Variants in DAOA observed in about 807,000 individuals in gnomAD.
DAOA encodes the protein D-amino acid oxidase activator, also known as D-amino acid oxidase regulator.
A neutral mutation model predicts 16.4 loss-of-function variants in DAOA; 15 were observed. The observed-to-expected ratio is 0.91, with a 90% confidence interval of 0.61 to 1.41. DAOA has a LOEUF of 1.41. Ranked by LOEUF, DAOA falls within the 40% of genes most tolerant of loss-of-function variation. DAOA has a pLI of 0.00. For synonymous variants in DAOA, 75 were observed against 59.1 expected, an observed-to-expected ratio of 1.27 and a Z score of -1.23; for missense variants, 230 against 176.8, an observed-to-expected ratio of 1.30 and a Z score of -1.71.
chr13:105,477,971 T>C (rs1284015658), intron 4 of DAOA, among the ~76,000 whole-genome samples: 2 of 152,192 alleles, frequency 1.3e-5, no homozygotes, highest in Non-Finnish European at 2.9e-5. Flanking sequence ...CAAACCAAAA[T>C]AGAATCTATC....
chr13:105,475,788 G>A (rs1002882668), intron 4 of DAOA, among the ~76,000 whole-genome samples: 4 of 152,194 alleles, frequency 2.6e-5, no homozygotes, highest in Admixed American at 2.6e-4. Flanking sequence ...TATTTAAAAA[G>A]TTTAATATGG....
At chr13:105,474,547 T>C (rs1355926065) in intron 4 of DAOA, among the ~76,000 whole-genome samples, 2 of 152,108 alleles carry the variant, frequency 1.3e-5, no homozygotes, top group African/African-American at 4.8e-5. Context: ...ATGCTACAAA[T>C]TCGTAATCAA....
intron 3 of DAOA, among the ~76,000 whole-genome samples, chr13:105,471,863 T>C (rs1402001670): frequency 6.6e-6 from 1 of 152,226 alleles, no homozygotes; most frequent in Non-Finnish European, 1.5e-5. Context: ...GGCAGAGAAA[T>C]CTTGGAAGAC....
intron 3 of DAOA, among the ~76,000 whole-genome samples, chr13:105,468,478 C>T (rs1405318557): frequency 5.3e-5 from 8 of 152,164 alleles, no homozygotes; most frequent in African/African-American, 1.9e-4. Context: ...TTGATGATTA[C>T]TTGAATATGT....
chr13:105,472,594 A>G lies in DAOA; in HGVS notation c.190A>G (p.Arg64Gly). 1.2e-6 allele frequency: 2 copies of G among 1,614,106 alleles called. No individual in the cohort carries two copies. Among genetic ancestry groups the G allele is most frequent in the Non-Finnish European group, 1.7e-6 (2 of 1,179,974 alleles). ...TVTRKEGWKR[R>G]HEDGYLEMAQ... ...AACAAGGAAAGAAGGATGGAAGAGA[A>G]GGCATGAGGACGGCTATTTGGAAAT... The change falls in exon 4 of 6, where the codon AGG (arginine) becomes GGG (glycine). Residue 64 changes from arginine (R) to glycine (G), a missense_variant. Coordinates refer to ENST00000375936, the MANE Select transcript of DAOA (RefSeq NM_172370.5).
chr13:105,486,600 G>A (rs558773007), intron 4 of DAOA, among the ~76,000 whole-genome samples: 1 of 150,302 alleles, frequency 6.7e-6, no homozygotes, highest in Admixed American at 6.7e-5. Flanking sequence ...TCTCAGTATC[G>A]ACTATTTTCT....
chr13:105,487,108 C>T (rs1358921801), intron 4 of DAOA, among the ~76,000 whole-genome samples: 1 of 152,120 alleles, frequency 6.6e-6, no homozygotes, highest in East Asian at 1.9e-4. Context: ...GAACAGAGAA[C>T]CCGTGAAAGC....
chr13:105,485,854 T>C (rs1878067547), intron 4 of DAOA, among the ~76,000 whole-genome samples: 1 of 152,130 alleles, frequency 6.6e-6, no homozygotes, highest in Non-Finnish European at 1.5e-5. Context: ...GAACAGATTT[T>C]CCCCTAAAGT....
At chr13:105,477,976 T>C (rs1365455982) in intron 4 of DAOA, among the ~76,000 whole-genome samples, 1 of 152,192 alleles carries the variant, frequency 6.6e-6, no homozygotes, top group Non-Finnish European at 1.5e-5. Context: ...CAAAATAGAA[T>C]CTATCATTTA....
chr13:105,481,060 T>G (rs1171375246), intron 4 of DAOA, among the ~76,000 whole-genome samples: 2 of 152,176 alleles, frequency 1.3e-5, no homozygotes, highest in Non-Finnish European at 2.9e-5. Context: ...AGCCTCCTCT[T>G]TGAGCAAGTT....
chr13:105,481,542 C>T (rs1424057992), intron 4 of DAOA, among the ~76,000 whole-genome samples: 1 of 152,140 alleles, frequency 6.6e-6, no homozygotes, highest in Non-Finnish European at 1.5e-5. Context: ...GACATCCTTG[C>T]TGCCAAGATC....
chr13:105,471,078 G>A (rs894558230), intron 3 of DAOA, among the ~76,000 whole-genome samples: 8 of 151,800 alleles, frequency 5.3e-5, no homozygotes, highest in East Asian at 3.9e-4. Flanking sequence ...ATGAGCCACC[G>A]TGCCCGGCCA....
At chr13:105,486,091 A>T (rs1172475597) in intron 4 of DAOA, among the ~76,000 whole-genome samples, 1 of 152,134 alleles carries the variant, frequency 6.6e-6, no homozygotes, top group Admixed American at 6.6e-5. Flanking sequence ...AGTCAGAGTG[A>T]TCTTGTAAAA....
At chr13:105,472,929 A>G (rs575089723) in intron 4 of DAOA, among the ~76,000 whole-genome samples, 22 of 152,230 alleles carry the variant, frequency 1.4e-4, no homozygotes, top group Admixed American at 3.9e-4. Flanking sequence ...TTTTATAAAA[A>G]TTACTAGGAA....
At chr13:105,487,248 C>A (rs1878181871) in intron 4 of DAOA, among the ~76,000 whole-genome samples, 2 of 152,146 alleles carry the variant, frequency 1.3e-5, no homozygotes, top group Non-Finnish European at 2.9e-5. Context: ...GGCTTCTGCT[C>A]CCCATTGACT....
intron 5 of DAOA, 184 bp from the exon 6 acceptor site, chr13:105,490,728 A>G (rs1566387200): frequency 6.6e-6 from 1 of 152,158 alleles, no homozygotes; most frequent in Non-Finnish European, 1.5e-5. Flanking sequence ...AGAGAAAATA[A>G]TTTCTGATTT....
intron 3 of DAOA, among the ~76,000 whole-genome samples, chr13:105,472,036 C>T (rs1876988663): frequency 6.6e-6 from 1 of 152,134 alleles, no homozygotes; most frequent in Non-Finnish European, 1.5e-5. Flanking sequence ...ACTTAAGATC[C>T]CCTCAAAAAA....
chr13:105,476,688 T>C (rs1262240285), intron 4 of DAOA, among the ~76,000 whole-genome samples: 3 of 152,000 alleles, frequency 2.0e-5, no homozygotes, highest in African/African-American at 4.8e-5. Context: ...GGCATGAAAT[T>C]TGGGGCCAGC....
chr13:105,479,063 G>T (rs959981673), intron 4 of DAOA, among the ~76,000 whole-genome samples: 1 of 152,170 alleles, frequency 6.6e-6, no homozygotes, highest in African/African-American at 2.4e-5. Context: ...TCAGAATTCA[G>T]TGGTGCACAG....
Sources: allele counts gnomAD v4.1 joint callset (sites outside exome capture counted in the v4.1 genomes callset), GRCh38; gene constraint gnomAD v4.1.1; transcripts MANE v1.5; gene names NCBI Gene and HGNC (gene_info 2026-07-23, HGNC 2026-07-21).